The following ARHGAP21 variants were observed in gnomAD, a reference collection of about 807,000 sequenced individuals.
ARHGAP21 encodes Rho GTPase activating protein 21.
Under a neutral mutation model 164.6 loss-of-function variants are expected in ARHGAP21, and 38 were observed. The observed-to-expected ratio is 0.23, with a 90% CI of 0.18 to 0.30. ARHGAP21 has a LOEUF of 0.30. Among genes scored for constraint, ARHGAP21 ranks in the 10% least tolerant of loss-of-function variants. The probability of loss-of-function intolerance (pLI) is 1.00; values close to 1 mark genes in which losing one functional copy is unlikely to be tolerated. For synonymous variants in ARHGAP21, 766 were observed against 857.9 expected, an observed-to-expected ratio of 0.89 and a Z score of 1.87; for missense variants, 1,822 against 2,370.7, an observed-to-expected ratio of 0.77 and a Z score of 4.81.
intron 11 of ARHGAP21, among the ~76,000 whole-genome samples, chr10:24,604,836 C>G (rs2076958488): frequency 6.6e-6 from 1 of 152,148 alleles, no homozygotes; most frequent in African/African-American, 2.4e-5. Flanking sequence ...CCTGGCCCTT[C>G]ACTCTTCTAC....
chr10:24,704,966 A>C (rs1432821203), intron 2 of ARHGAP21, among the ~76,000 whole-genome samples: 5 of 152,174 alleles, frequency 3.3e-5, no homozygotes, highest in Non-Finnish European at 7.3e-5. Flanking sequence ...GGATGGTAGC[A>C]ACAACAATCC....
chr10:24,608,303 T>C (rs931977549), intron 9 of ARHGAP21, among the ~76,000 whole-genome samples: 1 of 152,202 alleles, frequency 6.6e-6, no homozygotes, highest in African/African-American at 2.4e-5. Flanking sequence ...GGTGATTGGC[T>C]GAGGCTCAGT....
At chr10:24,602,512 G>A (rs1279598299) in intron 12 of ARHGAP21, among the ~76,000 whole-genome samples, 1 of 152,190 alleles carries the variant, frequency 6.6e-6, no homozygotes, top group East Asian at 1.9e-4. Context: ...TAAGGAGCCA[G>A]CCATAAAAGG....
At chr10:24,705,524 C>T (rs1198598452) in intron 2 of ARHGAP21, among the ~76,000 whole-genome samples, 2 of 152,084 alleles carry the variant, frequency 1.3e-5, no homozygotes, top group African/African-American at 2.4e-5. Flanking sequence ...TATTGGACAC[C>T]CCAAAGTACC....
chr10:24,709,820 C>T (rs745685959), intron 2 of ARHGAP21, among the ~76,000 whole-genome samples: 5 of 151,654 alleles, frequency 3.3e-5, no homozygotes, highest in Admixed American at 1.3e-4. Flanking sequence ...ATATCCCTGA[C>T]GCACACAGAC....
At chr10:24,687,127 G>GATT (rs3073326) in intron 2 of ARHGAP21, among the ~76,000 whole-genome samples, 1 of 151,530 alleles carries the variant, frequency 6.6e-6, no homozygotes, top group African/African-American at 2.4e-5. Context: ...GAGGTGGGAG[G>GATT]GTGAGCCCAT....
At chr10:24,686,057 CT>C (rs780778860) in intron 2 of ARHGAP21, among the ~76,000 whole-genome samples, 3 of 152,052 alleles carry the variant, frequency 2.0e-5, no homozygotes, top group Non-Finnish European at 4.4e-5. Flanking sequence ...ACTTGTTAAG[CT>C]AGTAAATAAT....
chr10:24,636,664 T>C (rs1836419286), intron 4 of ARHGAP21, among the ~76,000 whole-genome samples: 2 of 152,296 alleles, frequency 1.3e-5, no homozygotes, highest in South Asian at 4.1e-4. Context: ...TAAAGGAATA[T>C]CTATCACTAG....
chr10:24,599,602 C>T (rs1396241160), intron 14 of ARHGAP21, among the ~76,000 whole-genome samples: 1 of 152,004 alleles, frequency 6.6e-6, no homozygotes, highest in African/African-American at 2.4e-5. Flanking sequence ...AACTTCGTGC[C>T]CCTTTTTTGG....
At chr10:24,718,570 G>A (rs1335852102) in intron 2 of ARHGAP21, among the ~76,000 whole-genome samples, 6 of 152,128 alleles carry the variant, frequency 3.9e-5, no homozygotes, top group African/African-American at 7.2e-5. Flanking sequence ...AAGAGAGAGC[G>A]CCTGAGAAGG....
At chr10:24,700,353 C>T (rs1843551787) in intron 2 of ARHGAP21, among the ~76,000 whole-genome samples, 1 of 152,184 alleles carries the variant, frequency 6.6e-6, no homozygotes. Flanking sequence ...AGAGCACTCA[C>T]ACAGCACACC....
chr10:24,591,394 C>A, intron 23 of ARHGAP21, 64 bp from the exon 24 acceptor site: 1 of 1,424,846 alleles, frequency 7.0e-7, no homozygotes, highest in Non-Finnish European at 9.8e-7. Flanking sequence ...AAAATTTAAA[C>A]AACATTTAGT....
At chr10:24,601,010 C>G (rs2076791263) in intron 13 of ARHGAP21, 80 bp from the exon 14 acceptor site, 1 of 1,491,688 alleles carries the variant, frequency 6.7e-7, no homozygotes, top group Non-Finnish European at 9.1e-7. Context: ...AAGCAACACC[C>G]TTCCTCTGCA....
At chr10:24,681,226 CA>C (rs1841726215) in intron 2 of ARHGAP21, among the ~76,000 whole-genome samples, 1 of 152,166 alleles carries the variant, frequency 6.6e-6, no homozygotes, top group South Asian at 2.1e-4. Flanking sequence ...TTCACAACTG[CA>C]TAAAGTTGCT....
intron 7 of ARHGAP21, among the ~76,000 whole-genome samples, chr10:24,626,864 T>C (rs1016069265): frequency 1.3e-5 from 2 of 152,234 alleles, no homozygotes; most frequent in Non-Finnish European, 1.5e-5. Flanking sequence ...ACTATTTATA[T>C]TGTTAACCTA....
intron 4 of ARHGAP21, 72 bp from the exon 5 acceptor site, chr10:24,635,175 ATT>A (rs146603146): frequency 0.025 from 23,254 of 935,642 alleles, 357 homozygotes; most frequent in Middle Eastern, 0.049. Flanking sequence ...ATAAAATAGT[ATT>A]TGAGAGAATT....
chr10:24,591,857 T>C lies in ARHGAP21; in HGVS notation c.4002+30A>G, dbSNP rs759918243. The C allele has an allele frequency of 5.6e-6, 9 of 1,597,972 alleles. No individual in the cohort carries two copies. The East Asian group carries it at 1.6e-4, about 28-fold the overall frequency. The stretch of plus-strand genomic sequence containing the variant: ...TGAATTTTCTTGCAGAGATGAAGCA[T>C]GAACTTACAGAGATGAAGCATGAAC... On this transcript the variant is annotated intron_variant, in intron 22 of 25. Transcript: ENST00000396432.
chr10:24,627,262 G>A (rs1835229010), intron 7 of ARHGAP21, among the ~76,000 whole-genome samples: 2 of 152,076 alleles, frequency 1.3e-5, no homozygotes, highest in Non-Finnish European at 2.9e-5. Flanking sequence ...ATTACCCATT[G>A]CTTTTCTTTA....
chr10:24,691,282 G>A (rs997227544), intron 2 of ARHGAP21, among the ~76,000 whole-genome samples: 17 of 152,174 alleles, frequency 1.1e-4, no homozygotes, highest in African/African-American at 4.1e-4. Flanking sequence ...GTCCAGCAAA[G>A]GCAAACGGCA....
Sources: allele counts gnomAD v4.1 joint callset (sites outside exome capture counted in the v4.1 genomes callset), GRCh38; gene constraint gnomAD v4.1.1; transcripts MANE v1.5; gene names NCBI Gene and HGNC (gene_info 2026-07-23, HGNC 2026-07-21).